The following ACSL3 variants were observed in gnomAD, a reference collection of about 807,000 sequenced individuals.
ACSL3 encodes the protein acyl-CoA synthetase long chain family member 3, also known as fatty acid CoA ligase Acsl3.
In ACSL3, 34 loss-of-function variants were observed where a neutral mutation model predicts 84.7. The observed-to-expected ratio is 0.40, with a 90% CI of 0.31 to 0.53. ACSL3 has a LOEUF of 0.53. ACSL3 is among the 20% of genes least tolerant of loss of function. ACSL3 has a pLI of 0.48. For synonymous variants in ACSL3, 315 were observed against 299.4 expected (o/e 1.05, Z -0.54); for missense variants, 680 against 873.1 (o/e 0.78, Z 2.79).
intron 16 of ACSL3, 121 bp downstream of exon 16, chr2:222,934,808 G>C: frequency 9.6e-7 from 1 of 1,039,196 alleles, no homozygotes; most frequent in Non-Finnish European, 1.4e-6. Context: ...TCTACCGTTA[G>C]TATATGGAAG....
At chr2:222,899,250 G>C (rs1696073005) in intron 2 of ACSL3, among the ~76,000 whole-genome samples, 1 of 152,182 alleles carries the variant, frequency 6.6e-6, no homozygotes, top group Admixed American at 6.5e-5. Flanking sequence ...AGATTTAGCT[G>C]TTCAAGTTTA....
chr2:222,909,263 C>T (rs1664107716), intron 4 of ACSL3, 113 bp downstream of exon 4: 6 of 1,087,364 alleles, frequency 5.5e-6, no homozygotes, highest in South Asian at 1.5e-5. Context: ...GAAGGAGAAG[C>T]AGTGTAGGAA....
chr2:222,931,169 C>T (rs1697022384), intron 14 of ACSL3, among the ~76,000 whole-genome samples: 1 of 152,156 alleles, frequency 6.6e-6, no homozygotes, highest in Non-Finnish European at 1.5e-5. Context: ...AGCCAGGCAG[C>T]TCAAGTACTA....
At chr2:222,886,813 A>T (rs1695733969) in intron 1 of ACSL3, among the ~76,000 whole-genome samples, 1 of 152,038 alleles carries the variant, frequency 6.6e-6, no homozygotes, top group African/African-American at 2.4e-5. Context: ...AGGTGCAGAG[A>T]TTTCTCATAT....
rs777461277 is a variant in ACSL3 at position 222,919,217 on chromosome 2, T to C, written c.805+15T>C. On this transcript the variant is annotated intron_variant, in intron 7 of 16. Transcript: ENST00000357430. ...GGCCAGCATGGGTATGTTACACTTT[T>C]CTAATTCCTTACCTGTGCTTTCTGG... 1.9e-6 allele frequency: 3 copies of C among 1,613,118 alleles called. No homozygotes were observed. Among genetic ancestry groups the C allele is most frequent in the East Asian group, 2.2e-5 (1 of 44,876 alleles).
At position 222,922,670 on chromosome 2, in the gene ACSL3, A is replaced by G. The variant is rs772100177; in HGVS notation, c.957-38A>G. 8 of 1,612,130 alleles carry G rather than the reference A, an allele frequency of 5.0e-6. No individual in the cohort carries two copies. The South Asian group carries it at 5.5e-5, about 11-fold the overall frequency. ...ATAGGGCACTTTTGGCATAGACGAC[A>G]CCTGACTTTTGTTTCTGACGTCTCC... is the stretch of plus-strand genomic sequence containing the variant. On this transcript the variant is annotated intron_variant, in intron 8 of 16. Transcript: ENST00000357430.
rs150281150 is a variant in ACSL3, at chr2:222,925,591, CTG to C, written c.1292+998_1292+999del. Among the ~76,000 whole-genome samples, 526 of 152,262 alleles carry C rather than the reference CTG, an allele frequency of 3.5e-3. 4 individuals carry two copies. Among genetic ancestry groups the C allele is most frequent in the African/African-American group, 0.012 (505 of 41,544 alleles). On this transcript the variant is annotated intron_variant, in intron 11 of 16. Coordinates refer to ENST00000357430, the MANE Select transcript of ACSL3 (RefSeq NM_004457.5). ...CACCACCCTGGGTGAAAGTGAGACT[CTG>C]TCTCTTTAAAAGACAAGCAAACAAA...
intron 11 of ACSL3, among the ~76,000 whole-genome samples, chr2:222,926,633 A>G (rs1696881206): frequency 6.6e-6 from 1 of 152,204 alleles, no homozygotes; most frequent in African/African-American, 2.4e-5. Context: ...AGTACATTAA[A>G]GCAAAAATTA....
intron 1 of ACSL3, among the ~76,000 whole-genome samples, chr2:222,871,456 A>G (rs1441884717): frequency 1.3e-5 from 2 of 152,098 alleles, no homozygotes; most frequent in Non-Finnish European, 2.9e-5. Context: ...AAGTCAGTGA[A>G]AGATGTGTAA....
Position 222,920,914 on chromosome 2 carries a change from C to T in ACSL3, c.806-366C>T. ...TGCTTATTTCCTTCTAATTAGAACA[C>T]TCTTCTCCCAGTTCCAGGGTTTCCA... On this transcript the variant is annotated intron_variant, in intron 7 of 16. Transcript: ENST00000357430. The T allele has an allele frequency of 4.3e-6, 2 of 470,424 alleles. 1 individual carries two copies. Among genetic ancestry groups the T allele is most frequent in the Middle Eastern group, 6.5e-4 (2 of 3,066 alleles). The allele number at this position is 470,424 out of a possible 1,614,324, so 29.1% of individuals were successfully genotyped here.
rs759501803 is a variant in ACSL3, at chr2:222,919,143, A to G, written c.746A>G (p.Lys249Arg). ...CCACCGACCTGGTCCGAGTTCCCCAAGGGCATCATTGTGCATACCATGGCT... is the reference window on the plus strand; with the variant it reads ...CCACCGACCTGGTCCGAGTTCCCCAGGGGCATCATTGTGCATACCATGGCT... The part of the protein sequence containing the change: ...GKPPTWSEFP[K>R]GIIVHTMAAV... Residue 249 changes from lysine (K) to arginine (R), a missense_variant, in exon 7 of 17, where the codon AAG becomes AGG. Physicochemically the swap from Lys to Arg is conservative, Grantham distance 26. This residue lies in a region of ACSL3 where 333 missense variants were observed against 347.5 expected (regional missense o/e 0.96). Transcript: ENST00000357430. The G allele has an allele frequency of 1.2e-6, 2 of 1,614,040 alleles. No homozygotes were observed. Among genetic ancestry groups the G allele is most frequent in the Non-Finnish European group, 1.7e-6 (2 of 1,180,020 alleles).
At chr2:222,933,837 A>T (rs1286812614) in intron 15 of ACSL3, 1 of 152,248 alleles carries the variant, frequency 6.6e-6, no homozygotes, top group African/African-American at 2.4e-5. Flanking sequence ...ATCTGTTATC[A>T]GGAAAACTAA....
rs779167310 is a variant in ACSL3, at chr2:222,916,471, G to A, written c.531G>A (p.Gln177=). 3 of 1,608,132 alleles carry A rather than the reference G, an allele frequency of 1.9e-6. No homozygotes were observed. In the South Asian group the frequency reaches 3.3e-5, roughly 18 times the overall value. The change falls in exon 5 of 17, where the codon CAG becomes CAA. Residue 177 remains glutamine, a synonymous_variant. Transcript: ENST00000357430. ...ETRAEWMIAA[Q]ACFMYNFQLV... is the part of the protein sequence containing the mutation. ...GGGCCGAGTGGATGATAGCTGCACA[G>A]GCGTGTTTTATGTATAATTTTCAGC...
At chr2:222,893,947 C>T (rs890508137) in intron 2 of ACSL3, among the ~76,000 whole-genome samples, 3 of 152,168 alleles carry the variant, frequency 2.0e-5, no homozygotes, top group Admixed American at 6.5e-5. Context: ...CCTCCCACCT[C>T]AGCCTCCATT....
intron 1 of ACSL3, among the ~76,000 whole-genome samples, chr2:222,878,645 G>A (rs1247868634): frequency 6.6e-6 from 1 of 152,150 alleles, no homozygotes; most frequent in Non-Finnish European, 1.5e-5. Flanking sequence ...ATCTTCAGCT[G>A]TTTGGAGCCC....
chr2:222,918,293 T>A, intron 6 of ACSL3, 138 bp downstream of exon 6: 1 of 466,782 alleles, frequency 2.1e-6, no homozygotes, highest in Non-Finnish European at 3.7e-6. Context: ...ATACTTTATT[T>A]TTTCCTTTAG....
chr2:222,903,963 T>C lies in ACSL3; in HGVS notation c.-41+3183T>C, dbSNP rs570275082. On this transcript the variant is annotated intron_variant, in intron 3 of 16. Coordinates refer to ENST00000357430, the MANE Select transcript of ACSL3 (RefSeq NM_004457.5). ...TAGTTAAAAAAAAAAAGCCCTTTAA[T>C]AAACTTTTACCATTAAAACAATTAT... Among the ~76,000 whole-genome samples, 6 of 152,028 alleles carry C rather than the reference T, an allele frequency of 3.9e-5. No homozygotes were observed. The South Asian group carries it at 8.3e-4, about 21-fold the overall frequency.
chr2:222,936,517 C>T (rs1196064714), intron 16 of ACSL3, among the ~76,000 whole-genome samples: 2 of 151,810 alleles, frequency 1.3e-5, no homozygotes, highest in Non-Finnish European at 1.5e-5. Context: ...TGTTGGGCAT[C>T]TTATATATAC....
At position 222,922,829 on chromosome 2, in the gene ACSL3, C is replaced by G. The variant is rs962840854; in HGVS notation, c.1078C>G (p.Gln360Glu). 1 of 1,613,032 alleles carries G rather than the reference C, an allele frequency of 6.2e-7. No individual in the cohort carries two copies. Among genetic ancestry groups the G allele is most frequent in the Non-Finnish European group, 8.5e-7 (1 of 1,179,824 alleles). Residue 360 changes from glutamine to glutamate, a missense_variant and splice_region_variant, in exon 9 of 17, where the codon CAG becomes GAG. Transcript: ENST00000357430. ...GYSSPQTLAD[Q>E]SSKIKKGSKG... ...CTCTTCACCACAGACTTTAGCAGATCAGGTAAGTTCAGTGTCTGTGACTTG... is the reference window on the plus strand; with the variant it reads ...CTCTTCACCACAGACTTTAGCAGATGAGGTAAGTTCAGTGTCTGTGACTTG...
Sources: allele counts gnomAD v4.1 joint callset (sites outside exome capture counted in the v4.1 genomes callset), GRCh38; gene constraint gnomAD v4.1.1; regional missense constraint gnomAD v4.1.1; transcripts MANE v1.5; gene names NCBI Gene and HGNC (gene_info 2026-07-23, HGNC 2026-07-21).